ACTR3C: variants seen among roughly 807,000 people sequenced by gnomAD.
The protein encoded by ACTR3C is actin-related protein 3C.
Under a neutral mutation model 26.3 loss-of-function variants are expected in ACTR3C, and 18 were observed. The ratio of observed to expected loss-of-function variants is 0.68; its 90% CI spans 0.47 to 1.01. The LOEUF is 1.01. ACTR3C is among the 50% of genes least tolerant of loss of function. The pLI is 0.00. For missense variants in ACTR3C, 184 were observed against 250.7 expected (o/e 0.73, Z 1.80); for synonymous variants, 55 against 94.5 (o/e 0.58, Z 2.42).
At chr7:149,914,690 GA>G in the ACTR3C span, among the ~76,000 whole-genome samples, 7 of 147,172 alleles carry the variant, frequency 4.8e-5, no homozygotes, top group African/African-American at 1.0e-4. Flanking sequence ...GATGATGGGA[GA>G]AAAAAAAAAT....
chr7:150,216,715 G>A, the ACTR3C span, among the ~76,000 whole-genome samples: 8 of 151,970 alleles, frequency 5.3e-5, no homozygotes, highest in East Asian at 9.6e-4. Context: ...GGCCGGGCAC[G>A]GTGGCTCACG....
chr7:149,903,485 C>T, the ACTR3C span, among the ~76,000 whole-genome samples: 480 of 149,842 alleles, frequency 3.2e-3, 6 homozygotes, highest in East Asian at 0.062. Context: ...ACGACAGCAA[C>T]GAAAACTTAA....
chr7:150,095,663 A>G, the ACTR3C span, among the ~76,000 whole-genome samples: 1 of 149,418 alleles, frequency 6.7e-6, no homozygotes, highest in Non-Finnish European at 1.5e-5. Context: ...CCTCATTTTC[A>G]AAACCAGGAA....
intron 6 of ACTR3C, among the ~76,000 whole-genome samples, chr7:150,280,557 T>C (rs1835233574): frequency 6.6e-6 from 1 of 152,068 alleles, no homozygotes; most frequent in Non-Finnish European, 1.5e-5. Context: ...AGTCAGAAGA[T>C]GGGCAAGCTC....
chr7:149,920,629 C>T, the ACTR3C span, among the ~76,000 whole-genome samples: 2 of 151,126 alleles, frequency 1.3e-5, no homozygotes, highest in African/African-American at 4.9e-5. Flanking sequence ...CATTCTTAAG[C>T]ATTGCTTCAT....
chr7:150,119,482 A>C, the ACTR3C span, among the ~76,000 whole-genome samples: 1 of 152,244 alleles, frequency 6.6e-6, no homozygotes, highest in East Asian at 1.9e-4. Context: ...CAAAAATGAC[A>C]AGGAAGGGCA....
chr7:149,937,509 A>G, the ACTR3C span, among the ~76,000 whole-genome samples: 4 of 152,174 alleles, frequency 2.6e-5, no homozygotes, highest in African/African-American at 9.7e-5. Flanking sequence ...CCAAAATAAC[A>G]CTAAATGAAT....
chr7:149,974,528 G>T, the ACTR3C span, among the ~76,000 whole-genome samples: 1 of 151,990 alleles, frequency 6.6e-6, no homozygotes, highest in Non-Finnish European at 1.5e-5. Context: ...ACATTTCCAC[G>T]TCACCACTGC....
the ACTR3C span, among the ~76,000 whole-genome samples, chr7:149,992,132 G>C: frequency 6.6e-6 from 1 of 152,326 alleles, no homozygotes; most frequent in South Asian, 2.1e-4. Context: ...TTGGCTGTTT[G>C]TTATGCAAAG....
the ACTR3C span, among the ~76,000 whole-genome samples, chr7:150,093,109 G>A: frequency 6.6e-6 from 1 of 151,240 alleles, no homozygotes; most frequent in Admixed American, 6.6e-5. Flanking sequence ...TCTAAAATGG[G>A]GACAGGAATA....
chr7:150,147,122 A>C, the ACTR3C span, among the ~76,000 whole-genome samples: 1 of 152,330 alleles, frequency 6.6e-6, no homozygotes, highest in South Asian at 2.1e-4. Context: ...TTTGGAAAGG[A>C]GGTTCTCCTT....
At chr7:150,021,940 T>G in the ACTR3C span, among the ~76,000 whole-genome samples, 1 of 151,800 alleles carries the variant, frequency 6.6e-6, no homozygotes, top group African/African-American at 2.4e-5. Context: ...TGCGTGCAAG[T>G]GTCTTTTTCA....
the ACTR3C span, among the ~76,000 whole-genome samples, chr7:149,967,027 A>ACTTTT: frequency 4.2e-5 from 1 of 23,982 alleles, no homozygotes; most frequent in Non-Finnish European, 1.8e-4. Context: ...ATGCACAGCT[A>ACTTTT]ATTTTTTTTT....
the ACTR3C span, among the ~76,000 whole-genome samples, chr7:150,080,042 G>T: frequency 2.0e-5 from 3 of 152,222 alleles, no homozygotes; most frequent in Non-Finnish European, 4.4e-5. Context: ...AGCACGGCAA[G>T]AATGCTTGCT....
At chr7:150,079,519 T>C in the ACTR3C span, among the ~76,000 whole-genome samples, 2 of 152,168 alleles carry the variant, frequency 1.3e-5, no homozygotes, top group African/African-American at 4.8e-5. Flanking sequence ...GATGACGGGA[T>C]GGGTCCTCAT....
At chr7:149,995,927 C>T in the ACTR3C span, among the ~76,000 whole-genome samples, 3 of 152,200 alleles carry the variant, frequency 2.0e-5, no homozygotes, top group Non-Finnish European at 4.4e-5. Flanking sequence ...GCCCAGCAGG[C>T]TTTTTGTTGA....
the ACTR3C span, among the ~76,000 whole-genome samples, chr7:149,925,516 A>C: frequency 6.6e-6 from 1 of 152,206 alleles, no homozygotes; most frequent in Non-Finnish European, 1.5e-5. Flanking sequence ...TGAACAGACC[A>C]ATAGACTAAC....
chr7:150,209,900 CAG>C, the ACTR3C span, among the ~76,000 whole-genome samples: 3 of 134,230 alleles, frequency 2.2e-5, no homozygotes, highest in Non-Finnish European at 4.6e-5. Context: ...GCCTGGGTGA[CAG>C]AGCGAGACTG....
chr7:150,095,572 T>A, the ACTR3C span, among the ~76,000 whole-genome samples: 1 of 150,478 alleles, frequency 6.6e-6, no homozygotes, highest in South Asian at 2.1e-4. Flanking sequence ...GAATAAGAAT[T>A]TGCATCTTGC....
Sources: gnomAD v4.1 joint callset for allele counts (sites outside exome capture counted in the v4.1 genomes callset) on GRCh38, gnomAD v4.1.1 for gene constraint, MANE v1.5 for transcripts, NCBI Gene and HGNC (gene_info 2026-07-23, HGNC 2026-07-21) for gene names.